The following ELMO1 variants were observed in gnomAD, a reference collection of about 807,000 sequenced individuals.
The protein encoded by ELMO1 is engulfment and cell motility 1, also known as engulfment and cell motility protein 1.
A neutral mutation model predicts 98.9 loss-of-function variants in ELMO1; 26 were observed. That is an observed-to-expected ratio of 0.26 (90% confidence interval 0.19 to 0.36). ELMO1 has a LOEUF of 0.36. Among genes scored for constraint, ELMO1 ranks in the 10% least tolerant of loss-of-function variants. The pLI is 1.00. For synonymous variants in ELMO1, 346 were observed against 346.0 expected, an observed-to-expected ratio of 1.00 and a Z score of 0.00; for missense variants, 627 against 935.2, an observed-to-expected ratio of 0.67 and a Z score of 4.30.
chr7:36,932,864 G>A (rs1022757356), intron 16 of ELMO1, among the ~76,000 whole-genome samples: 1 of 152,200 alleles, frequency 6.6e-6, no homozygotes, highest in Non-Finnish European at 1.5e-5. Flanking sequence ...GAGCTCCCTA[G>A]ATGTTTGTTC....
At chr7:36,904,076 G>C (rs990295098) in intron 16 of ELMO1, among the ~76,000 whole-genome samples, 27 of 152,204 alleles carry the variant, frequency 1.8e-4, no homozygotes, top group African/African-American at 6.5e-4. Flanking sequence ...GCTTTAGCAA[G>C]GGCAGCCAAC....
At chr7:37,033,644 G>A (rs1795004604) in intron 15 of ELMO1, among the ~76,000 whole-genome samples, 1 of 152,176 alleles carries the variant, frequency 6.6e-6, no homozygotes, top group Non-Finnish European at 1.5e-5. Flanking sequence ...CAAATGCAGT[G>A]TTTTGATGAC....
chr7:37,253,632 C>T lies in ELMO1; in HGVS notation c.413+5549G>A, dbSNP rs914536865. On this transcript the variant is annotated intron_variant, in intron 6 of 21. Coordinates refer to ENST00000310758, the MANE Select transcript of ELMO1 (RefSeq NM_014800.11). ...TAGGAGAAATACCTAATGCAGATGA[C>T]GGGTTTTGGGTTCAGCAAACCACCA... Among the ~76,000 whole-genome samples, 125 of 150,694 alleles carry T rather than the reference C, an allele frequency of 8.3e-4. 3 individuals are homozygous for T. Among genetic ancestry groups the T allele is most frequent in the Admixed American group, 8.2e-3 (123 of 15,074 alleles).
intron 19 of ELMO1, 115 bp downstream of exon 19, chr7:36,877,895 G>A: frequency 3.9e-6 from 3 of 775,058 alleles, no homozygotes; most frequent in Non-Finnish European, 6.4e-6. Flanking sequence ...CTTACAACTA[G>A]ATGAGATGTG....
intron 18 of ELMO1, among the ~76,000 whole-genome samples, chr7:36,882,966 CT>C (rs1281159301): frequency 6.6e-6 from 1 of 152,162 alleles, no homozygotes; most frequent in East Asian, 1.9e-4. Flanking sequence ...TTATACCTGC[CT>C]TTTTGTAACA....
In ELMO1 at chr7:37,418,883, T is replaced by G. The variant is rs553234098; in HGVS notation, c.-74+29792A>C. ...ATGGTAAGAGTCAAGTGCCCAGCTC[T>G]CAGGGTGCTGCAGAGGCTAGGAGTC... On this transcript the variant is annotated intron_variant, in intron 1 of 21. Coordinates refer to ENST00000310758, the MANE Select transcript of ELMO1 (RefSeq NM_014800.11). 5.9e-5 allele frequency among the ~76,000 whole-genome samples: 9 copies of G among 152,138 alleles called. No homozygotes were observed. The South Asian group carries it at 1.4e-3, about 24-fold the overall frequency.
chr7:37,123,282 G>A (rs920216317), intron 14 of ELMO1, among the ~76,000 whole-genome samples: 3 of 152,064 alleles, frequency 2.0e-5, no homozygotes, highest in Admixed American at 6.6e-5. Flanking sequence ...AAGTAACTAA[G>A]ATCAGAGCAG....
At chr7:37,057,521 G>A (rs1796449132) in intron 15 of ELMO1, among the ~76,000 whole-genome samples, 1 of 152,222 alleles carries the variant, frequency 6.6e-6, no homozygotes, top group Admixed American at 6.5e-5. Flanking sequence ...CTTCTTTCAT[G>A]CTTTCATGAG....
chr7:36,885,474 A>T (rs1185809281), intron 18 of ELMO1, among the ~76,000 whole-genome samples: 1 of 152,178 alleles, frequency 6.6e-6, no homozygotes, highest in Non-Finnish European at 1.5e-5. Context: ...TGGTGCTAGG[A>T]GCTAGGTTGT....
chr7:37,226,388 C>G (rs1264399484), intron 8 of ELMO1, among the ~76,000 whole-genome samples: 1 of 152,098 alleles, frequency 6.6e-6, no homozygotes, highest in Non-Finnish European at 1.5e-5. Context: ...TCCAATCCAC[C>G]AAATCTACCA....
chr7:36,863,444 A>T (rs543938271), intron 20 of ELMO1, among the ~76,000 whole-genome samples: 55 of 151,876 alleles, frequency 3.6e-4, no homozygotes, highest in East Asian at 2.3e-3. Flanking sequence ...CATTCTTTTT[A>T]AAAAAAAATC....
intron 1 of ELMO1, among the ~76,000 whole-genome samples, chr7:37,447,667 A>G (rs1363129731): frequency 6.7e-6 from 1 of 148,186 alleles, no homozygotes; most frequent in Non-Finnish European, 1.5e-5. Context: ...ACTCACACAC[A>G]CACCGACGAC....
chr7:37,164,653 T>A (rs1182335415), intron 13 of ELMO1, among the ~76,000 whole-genome samples: 5 of 151,834 alleles, frequency 3.3e-5, no homozygotes, highest in African/African-American at 7.3e-5. Context: ...GTTGTAGATA[T>A]GTGGCATTAT....
At chr7:37,376,704 C>T (rs997885901) in intron 1 of ELMO1, among the ~76,000 whole-genome samples, 8 of 152,184 alleles carry the variant, frequency 5.3e-5, no homozygotes, top group Admixed American at 1.3e-4. Context: ...CCTTTAAAAA[C>T]GCTAGCCTCC....
rs1242151435 is a variant in ELMO1, at chr7:37,405,862, T to C, written c.-74+42813A>G. The stretch of plus-strand genomic sequence containing the variant: ...GGTCAACTCCGCTGGTCCCAACAGC[T>C]AGCCTCTGGAAAGTTGGCCTCAAGA... On this transcript the variant is annotated intron_variant, in intron 1 of 21. Coordinates refer to ENST00000310758, the MANE Select transcript of ELMO1 (RefSeq NM_014800.11). Among the ~76,000 whole-genome samples the C allele has an allele frequency of 4.6e-5, 7 of 152,174 alleles. No individual in the cohort carries two copies. The East Asian group carries it at 1.3e-3, about 29-fold the overall frequency.
intron 16 of ELMO1, among the ~76,000 whole-genome samples, chr7:36,942,543 C>T (rs1203382851): frequency 6.6e-6 from 1 of 152,164 alleles, no homozygotes; most frequent in Non-Finnish European, 1.5e-5. Flanking sequence ...ATGGGGATTT[C>T]AGGAGGGAAA....
chr7:37,079,631 C>T (rs953040928), intron 15 of ELMO1, among the ~76,000 whole-genome samples: 2 of 152,140 alleles, frequency 1.3e-5, no homozygotes, highest in African/African-American at 4.8e-5. Flanking sequence ...TCACCCTGAC[C>T]TCCACCTTAC....
intron 1 of ELMO1, among the ~76,000 whole-genome samples, chr7:37,430,959 C>T (rs1804908314): frequency 3.3e-5 from 5 of 152,192 alleles, no homozygotes; most frequent in Admixed American, 3.3e-4. Context: ...GACCAAGCCT[C>T]GCAACAGGCA....
chr7:37,396,986 T>C (rs904396562), intron 1 of ELMO1, among the ~76,000 whole-genome samples: 10 of 152,174 alleles, frequency 6.6e-5, no homozygotes, highest in African/African-American at 2.4e-4. Flanking sequence ...TATTATGTTA[T>C]AAAGGACTAC....
Sources: gnomAD v4.1 joint callset for allele counts (sites outside exome capture counted in the v4.1 genomes callset) on GRCh38, gnomAD v4.1.1 for gene constraint, MANE v1.5 for transcripts, NCBI Gene and HGNC (gene_info 2026-07-23, HGNC 2026-07-21) for gene names.